SLC9B1: variants seen among roughly 807,000 people sequenced by gnomAD.
SLC9B1 encodes solute carrier family 9 member B1, also known as sodium/hydrogen exchanger 9B1.
SLC9B1 carries 32 observed loss-of-function variants against 51.7 expected under a neutral mutation model. The ratio of observed to expected loss-of-function variants is 0.62; its 90% CI spans 0.47 to 0.83. The LOEUF is 0.83. SLC9B1 is among the 40% of genes least tolerant of loss of function. The pLI, the probability that SLC9B1 is intolerant of heterozygous loss-of-function variation, is 0.00. For missense variants in SLC9B1, 406 were observed against 613.2 expected (o/e 0.66, Z 3.57); for synonymous variants, 145 against 212.7 (o/e 0.68, Z 2.77).
At chr4:102,917,389 T>C (rs1735629339) in intron 7 of SLC9B1, among the ~76,000 whole-genome samples, 1 of 151,880 alleles carries the variant, frequency 6.6e-6, no homozygotes, top group Non-Finnish European at 1.5e-5. Context: ...TAATAAATTA[T>C]ATTTCATATA....
intron 1 of SLC9B1, among the ~76,000 whole-genome samples, chr4:103,011,489 C>A (rs1312762795): frequency 1.3e-5 from 2 of 152,172 alleles, no homozygotes; most frequent in Non-Finnish European, 2.9e-5. Flanking sequence ...CATAGCTCCA[C>A]TAGGCATTGC....
At chr4:103,002,693 C>A (rs965557811) in intron 1 of SLC9B1, among the ~76,000 whole-genome samples, 4 of 152,186 alleles carry the variant, frequency 2.6e-5, no homozygotes, top group Non-Finnish European at 5.9e-5. Context: ...TGTTCAGACC[C>A]TTGGGGATTA....
rs779360540 is a variant in SLC9B1, at chr4:102,945,330, A to G, written c.526-10T>C. 32 of 1,590,826 alleles carry G rather than the reference A, an allele frequency of 2.0e-5. No individual in the cohort carries two copies. Among genetic ancestry groups the G allele is most frequent in the Non-Finnish European group, 2.6e-6 (3 of 1,166,818 alleles). ...TCAAATGCCTCAAAGCCTGAAACAC[A>G]AAACAGTCACACTTAGATACATTTA... On this transcript the variant is annotated splice_polypyrimidine_tract_variant and intron_variant, in intron 5 of 11. Coordinates refer to ENST00000296422, the MANE Select transcript of SLC9B1 (RefSeq NM_139173.4).
At chr4:102,926,091 G>A (rs1384674106) in intron 7 of SLC9B1, among the ~76,000 whole-genome samples, 4 of 152,292 alleles carry the variant, frequency 2.6e-5, no homozygotes, top group Non-Finnish European at 5.9e-5. Flanking sequence ...TTGATGGGAC[G>A]TATCTCAAAA....
At chr4:102,944,032 T>C (rs1047874424) in intron 6 of SLC9B1, among the ~76,000 whole-genome samples, 4 of 152,114 alleles carry the variant, frequency 2.6e-5, no homozygotes, top group Non-Finnish European at 4.4e-5. Flanking sequence ...ATATACACCA[T>C]AGAATAATAC....
At chr4:102,948,373 G>A (rs1203551092) in intron 4 of SLC9B1, among the ~76,000 whole-genome samples, 1 of 131,186 alleles carries the variant, frequency 7.6e-6, no homozygotes, top group Non-Finnish European at 1.7e-5. Flanking sequence ...CACACTACTG[G>A]TCAATATCCC....
chr4:102,985,669 G>A (rs1739581254), intron 3 of SLC9B1, among the ~76,000 whole-genome samples: 1 of 151,792 alleles, frequency 6.6e-6, no homozygotes, highest in South Asian at 2.1e-4. Context: ...GATTACAGGT[G>A]CCTGCCACCA....
At chr4:102,889,544 T>A (rs972921535) in intron 11 of SLC9B1, 4 of 152,268 alleles carry the variant, frequency 2.6e-5, no homozygotes, top group Non-Finnish European at 5.9e-5. Context: ...AACTTTGAAT[T>A]TTGTCAAATA....
At position 102,918,149 on chromosome 4, in the gene SLC9B1, C is replaced by G. The variant is rs538863875; in HGVS notation, c.830-6612G>C. 6.9e-5 allele frequency among the ~76,000 whole-genome samples: 9 copies of G among 130,930 alleles called. 1 individual carries two copies. In the South Asian group the frequency reaches 2.3e-3, roughly 33 times the overall value. The allele number at this position is 130,930 out of a possible 152,430, so 85.9% of individuals were successfully genotyped here. A position where few individuals can be genotyped will look rare whatever the true frequency, so the allele number is the denominator to read the frequency against. ...TTGTTTCAAAGTTCAACAAAATTGA[C>G]AAATAATCAGCTAGAATATTTAAGA... On this transcript the variant is annotated intron_variant, in intron 7 of 11. Coordinates refer to ENST00000296422, the MANE Select transcript of SLC9B1 (RefSeq NM_139173.4).
intron 1 of SLC9B1, 36 bp downstream of exon 1, chr4:103,019,563 G>A (rs920887347): frequency 1.5e-5 from 15 of 984,658 alleles, no homozygotes; most frequent in Non-Finnish European, 1.7e-5. Context: ...GCGCCAAAGG[G>A]CTTGGAAGGG....
In SLC9B1 at chr4:102,989,955, A is replaced by C. The variant is rs1246466297; in HGVS notation, c.70-14T>G. ...ATCAATGAGACTCTGTAGTAAAACA[A>C]GAAAATCTTTAAGGAACCATACTTT... is the stretch of plus-strand genomic sequence containing the variant. On this transcript the variant is annotated splice_polypyrimidine_tract_variant and intron_variant, in intron 2 of 11. Transcript: ENST00000296422. 4 of 1,560,632 alleles carry C rather than the reference A, an allele frequency of 2.6e-6. No individual in the cohort carries two copies. Among genetic ancestry groups the C allele is most frequent in the Non-Finnish European group, 3.5e-6 (4 of 1,149,582 alleles).
chr4:102,909,071 G>A (rs1365737059), intron 9 of SLC9B1, among the ~76,000 whole-genome samples: 1 of 152,212 alleles, frequency 6.6e-6, no homozygotes, highest in Non-Finnish European at 1.5e-5. Flanking sequence ...TGCTGTTGAT[G>A]AGTTAAGGAA....
intron 1 of SLC9B1, among the ~76,000 whole-genome samples, chr4:103,004,182 A>G (rs1040210676): frequency 6.6e-6 from 1 of 152,218 alleles, no homozygotes; most frequent in Admixed American, 6.5e-5. Flanking sequence ...CAAGGATTCT[A>G]AGGAATACAA....
At chr4:102,919,273 G>T (rs1735741355) in intron 7 of SLC9B1, among the ~76,000 whole-genome samples, 1 of 152,124 alleles carries the variant, frequency 6.6e-6, no homozygotes, top group Middle Eastern at 3.2e-3. Flanking sequence ...TCATAAGGCT[G>T]CAAATCTTCC....
At chr4:102,888,917 T>G (rs898580126) in intron 11 of SLC9B1, 1 of 152,260 alleles carries the variant, frequency 6.6e-6, no homozygotes, top group African/African-American at 2.4e-5. Flanking sequence ...TTTAGTCTAT[T>G]TAAGATACAG....
At chr4:102,965,170 C>T (rs561238695) in intron 3 of SLC9B1, among the ~76,000 whole-genome samples, 2 of 152,104 alleles carry the variant, frequency 1.3e-5, no homozygotes, top group South Asian at 4.2e-4. Flanking sequence ...ACAATAGCAT[C>T]AAAAATAAAT....
chr4:102,902,135 A>G (rs1273815004), intron 11 of SLC9B1, among the ~76,000 whole-genome samples: 1 of 152,126 alleles, frequency 6.6e-6, no homozygotes, highest in Non-Finnish European at 1.5e-5. Context: ...ACCTTCTACC[A>G]CATTATTTTT....
chr4:102,932,136 C>A lies in SLC9B1; in HGVS notation c.817G>T (p.Val273Phe). The A allele has an allele frequency of 6.2e-7, 1 of 1,611,842 alleles. No individual in the cohort carries two copies. The change falls in exon 7 of 12, where the codon GTC becomes TTC. Residue 273 changes from valine to phenylalanine, a missense_variant. Coordinates refer to ENST00000296422, the MANE Select transcript of SLC9B1 (RefSeq NM_139173.4). Reference protein sequence around the residue: ...ITGFNTCLSIVFSSGGILNNA... With the variant: ...ITGFNTCLSIFFSSGGILNNA... ...TTTTCTTGTTTACCTGAGGAAAAGA[C>A]TATGCTCAAGCATGTATTGAATCCA...
chr4:102,964,173 T>C (rs71597138), intron 3 of SLC9B1, among the ~76,000 whole-genome samples: 8,617 of 151,710 alleles, frequency 0.057, 330 homozygotes, highest in Middle Eastern at 0.096. Context: ...ATAATAACTT[T>C]AAGGCAAAAA....
Sources: gnomAD v4.1 joint callset for allele counts (sites outside exome capture counted in the v4.1 genomes callset) on GRCh38, gnomAD v4.1.1 for gene constraint, MANE v1.5 for transcripts, NCBI Gene and HGNC (gene_info 2026-07-23, HGNC 2026-07-21) for gene names.